The following TLE4 variants were observed in gnomAD, a reference collection of about 807,000 sequenced individuals.
The protein encoded by TLE4 is transducin-like enhancer protein 4.
Under a neutral mutation model 92.8 loss-of-function variants are expected in TLE4, and 8 were observed. The observed-to-expected ratio is 0.09, with a 90% confidence interval of 0.05 to 0.16. TLE4 has a LOEUF of 0.16. TLE4 is among the 10% of genes least tolerant of loss of function. The pLI is 1.00. For missense variants in TLE4, 675 were observed against 997.6 expected, an observed-to-expected ratio of 0.68 and a Z score of 4.36; for synonymous variants, 371 against 374.1, an observed-to-expected ratio of 0.99 and a Z score of 0.10.
chr9:79,636,126 G>A (rs562526970), intron 6 of TLE4, among the ~76,000 whole-genome samples: 2 of 151,930 alleles, frequency 1.3e-5, no homozygotes, highest in Non-Finnish European at 2.9e-5. Context: ...TTATAAAATA[G>A]AAATAGGATC....
At chr9:79,598,414 G>C (rs985989313) in intron 4 of TLE4, among the ~76,000 whole-genome samples, 4 of 151,908 alleles carry the variant, frequency 2.6e-5, no homozygotes, top group African/African-American at 9.7e-5. Flanking sequence ...TTATTTGAAC[G>C]TCAGTGTCCC....
chr9:79,705,276 G>C (rs2071207000), intron 9 of TLE4, among the ~76,000 whole-genome samples: 1 of 152,242 alleles, frequency 6.6e-6, no homozygotes, highest in African/African-American at 2.4e-5. Flanking sequence ...ATGGATTCAT[G>C]TGCTGAAGGA....
chr9:79,584,183 T>C (rs758236366), intron 4 of TLE4, among the ~76,000 whole-genome samples: 18 of 152,220 alleles, frequency 1.2e-4, no homozygotes, highest in Non-Finnish European at 1.5e-5. Flanking sequence ...GCAAATAACA[T>C]GCTTGTTTCT....
chr9:79,599,716 G>GTA (rs751843900), intron 4 of TLE4, among the ~76,000 whole-genome samples: 6 of 152,192 alleles, frequency 3.9e-5, no homozygotes, highest in Non-Finnish European at 7.3e-5. Flanking sequence ...ACACTTTTAT[G>GTA]TATATAATAC....
chr9:79,678,706 G>A (rs898502025), intron 8 of TLE4, among the ~76,000 whole-genome samples: 3 of 151,590 alleles, frequency 2.0e-5, no homozygotes, highest in African/African-American at 7.3e-5. Flanking sequence ...TGTGCCTGTT[G>A]GTGTACTGCA....
intron 4 of TLE4, among the ~76,000 whole-genome samples, chr9:79,593,844 T>C (rs994363642): frequency 5.9e-5 from 9 of 152,186 alleles, no homozygotes; most frequent in Non-Finnish European, 1.2e-4. Context: ...AAACCTCAGA[T>C]CTTTAAAATT....
At chr9:79,586,362 A>C (rs75300773) in intron 4 of TLE4, among the ~76,000 whole-genome samples, 3 of 142,052 alleles carry the variant, frequency 2.1e-5, no homozygotes, top group East Asian at 4.1e-4. Flanking sequence ...ACTCTGTCAC[A>C]AAAAAAAAAA....
intron 1 of TLE4, chr9:79,573,325 C>G (rs1053127434): frequency 7.5e-6 from 8 of 1,069,004 alleles, no homozygotes; most frequent in African/African-American, 1.7e-5. Flanking sequence ...GACCGCAGCC[C>G]GACGCCATGG....
intron 4 of TLE4, chr9:79,601,265 C>T (rs1341767713): frequency 7.5e-6 from 3 of 397,398 alleles, no homozygotes; most frequent in African/African-American, 4.2e-5. Flanking sequence ...TCCTAAATGC[C>T]AGAAAAGATG....
chr9:79,597,051 G>A (rs1376762714), intron 4 of TLE4, among the ~76,000 whole-genome samples: 1 of 152,048 alleles, frequency 6.6e-6, no homozygotes, highest in Admixed American at 6.5e-5. Flanking sequence ...TTAATGAATG[G>A]TAGGAAGCAC....
intron 4 of TLE4, among the ~76,000 whole-genome samples, chr9:79,600,607 A>C (rs1315664993): frequency 6.6e-6 from 1 of 152,200 alleles, no homozygotes; most frequent in Non-Finnish European, 1.5e-5. Context: ...GTGTATCAGA[A>C]TCCGTATGTG....
At chr9:79,574,780 A>T in intron 2 of TLE4, 93 bp from the exon 3 acceptor site, 1 of 1,024,902 alleles carries the variant, frequency 9.8e-7, no homozygotes, top group Non-Finnish European at 1.5e-6. Flanking sequence ...TTGTTGATTT[A>T]GTTGTTTGTA....
intron 7 of TLE4, among the ~76,000 whole-genome samples, chr9:79,653,650 C>T (rs1229893017): frequency 6.6e-6 from 1 of 152,192 alleles, no homozygotes; most frequent in Non-Finnish European, 1.5e-5. Flanking sequence ...CCTGTTTCAG[C>T]ATCCTTACTG....
At chr9:79,716,528 G>A (rs1027267083) in intron 14 of TLE4, among the ~76,000 whole-genome samples, 2 of 152,224 alleles carry the variant, frequency 1.3e-5, no homozygotes, top group Non-Finnish European at 2.9e-5. Context: ...GACTTTGTCA[G>A]TATTGTTCAC....
intron 4 of TLE4, among the ~76,000 whole-genome samples, chr9:79,606,373 GTT>G (rs60527671): frequency 0.025 from 2,795 of 113,678 alleles, 128 homozygotes; most frequent in African/African-American, 0.082. Context: ...GTGTGTGTGT[GTT>G]TTTTTTTTTT....
chr9:79,653,961 T>C, intron 7 of TLE4, 98 bp from the exon 8 acceptor site: 2 of 1,357,844 alleles, frequency 1.5e-6, no homozygotes, highest in South Asian at 1.2e-5. Context: ...AGAGATCAAG[T>C]TTGATAAATC....
At chr9:79,576,236 A>G (rs764927062) in intron 4 of TLE4, 59 bp downstream of exon 4, 6 of 1,280,380 alleles carry the variant, frequency 4.7e-6, no homozygotes, top group Non-Finnish European at 5.4e-6. Context: ...CTATGAAAAG[A>G]AAATTGTATG....
rs1180321852 is a variant in TLE4, at chr9:79,615,495, T to C, written c.315+2777T>C. ...ATTGGCTGGAGCGATTGTGAGCATC[T>C]GAAGTCAGGCTTTTTGGAGTTTGAC... On this transcript the variant is annotated intron_variant, in intron 5 of 19. Coordinates refer to ENST00000376552, the MANE Select transcript of TLE4 (RefSeq NM_007005.6). Among the ~76,000 whole-genome samples, 5 of 152,238 alleles carry C rather than the reference T, an allele frequency of 3.3e-5. No homozygotes were observed. In the East Asian group the frequency reaches 7.7e-4, roughly 23 times the overall value.
At chr9:79,600,084 G>A (rs888534761) in intron 4 of TLE4, among the ~76,000 whole-genome samples, 10 of 152,244 alleles carry the variant, frequency 6.6e-5, no homozygotes, top group Non-Finnish European at 1.2e-4. Flanking sequence ...AAAAATACAC[G>A]GGCAGTAATG....
Sources: gnomAD v4.1 joint callset for allele counts (sites outside exome capture counted in the v4.1 genomes callset) on GRCh38, gnomAD v4.1.1 for gene constraint, MANE v1.5 for transcripts, NCBI Gene and HGNC (gene_info 2026-07-23, HGNC 2026-07-21) for gene names.